The following FAM227A variants were observed in gnomAD, a reference collection of about 807,000 sequenced individuals.
The protein encoded by FAM227A is family with sequence similarity 227 member A.
Under a neutral mutation model 74.7 loss-of-function variants are expected in FAM227A, and 80 were observed. The observed-to-expected ratio is 1.07, with a 90% CI of 0.89 to 1.29. The LOEUF is 1.29. Ranked by LOEUF, FAM227A falls within the 50% of genes most tolerant of loss-of-function variation. The pLI, the probability that FAM227A is intolerant of heterozygous loss-of-function variation, is 0.00. For synonymous variants in FAM227A, 237 were observed against 241.8 expected (o/e 0.98, Z 0.19); for missense variants, 654 against 683.4 (o/e 0.96, Z 0.48).
intron 11 of FAM227A, among the ~76,000 whole-genome samples, chr22:38,608,152 C>G (rs987047074): frequency 9.5e-6 from 1 of 105,034 alleles, no homozygotes; most frequent in African/African-American, 4.1e-5. Context: ...GACCTTTTCT[C>G]TACAAAAAAA....
At chr22:38,641,316 G>A (rs986472670) in intron 3 of FAM227A, among the ~76,000 whole-genome samples, 1 of 152,054 alleles carries the variant, frequency 6.6e-6, no homozygotes, top group Non-Finnish European at 1.5e-5. Flanking sequence ...ACAGATTCCC[G>A]GGCCTTTGCA....
intron 2 of FAM227A, among the ~76,000 whole-genome samples, chr22:38,646,101 G>A (rs1479931614): frequency 6.6e-6 from 1 of 151,706 alleles, no homozygotes; most frequent in Non-Finnish European, 1.5e-5. Context: ...TCTTTATCTT[G>A]TTTTAAATGA....
At chr22:38,647,014 G>T (rs1291162889) in intron 2 of FAM227A, among the ~76,000 whole-genome samples, 2 of 151,884 alleles carry the variant, frequency 1.3e-5, no homozygotes, top group African/African-American at 2.4e-5. Context: ...GCTGGGCGTG[G>T]TGGCGGGTGC....
At chr22:38,628,174 C>G in intron 8 of FAM227A, 64 bp downstream of exon 8, 1 of 961,804 alleles carries the variant, frequency 1.0e-6, no homozygotes, top group Non-Finnish European at 1.6e-6. Flanking sequence ...AAGACATTCT[C>G]TTGGCATCAG....
At chr22:38,600,824 C>T (rs973927609) in intron 13 of FAM227A, among the ~76,000 whole-genome samples, 1 of 151,692 alleles carries the variant, frequency 6.6e-6, no homozygotes, top group Non-Finnish European at 1.5e-5. Context: ...TGGTGGCATG[C>T]GCCTGTAGTC....
chr22:38,582,576 G>C lies in FAM227A; in HGVS notation c.*3549C>G. On this transcript the variant is annotated 3_prime_UTR_variant, in exon 17 of 17. Coordinates refer to ENST00000535113, the MANE Select transcript of FAM227A (RefSeq NM_001013647.2). ...TAATGTTTACAAAGGGCAGAGACAG[G>C]TTTCTTCATATTTAACATCCTGAGA... The C allele has an allele frequency of 1.2e-6, 1 of 808,896 alleles. No individual in the cohort carries two copies. Among genetic ancestry groups the C allele is most frequent in the South Asian group, 1.9e-5 (1 of 54,012 alleles). 50.1% of individuals were successfully genotyped at this position (808,896 alleles called of 1,614,324 possible).
intron 11 of FAM227A, chr22:38,618,565 A>C (rs1268925074): frequency 6.6e-6 from 1 of 152,142 alleles, no homozygotes; most frequent in East Asian, 1.9e-4. Flanking sequence ...AAAAATACTA[A>C]CATCAAATAA....
At chr22:38,601,248 G>C (rs2091170601) in intron 13 of FAM227A, among the ~76,000 whole-genome samples, 1 of 152,106 alleles carries the variant, frequency 6.6e-6, no homozygotes, top group Non-Finnish European at 1.5e-5. Context: ...GGGAGGAGAG[G>C]ACTGGGGTTC....
intron 14 of FAM227A, among the ~76,000 whole-genome samples, chr22:38,597,995 A>G (rs2091085352): frequency 1.4e-5 from 2 of 145,572 alleles, no homozygotes; most frequent in South Asian, 4.3e-4. Context: ...GTGAGCCGAA[A>G]TCGCGCCACT....
chr22:38,602,999 G>C (rs1049895220), intron 13 of FAM227A, among the ~76,000 whole-genome samples: 1 of 151,978 alleles, frequency 6.6e-6, no homozygotes, highest in Non-Finnish European at 1.5e-5. Flanking sequence ...TCAGCCTCCC[G>C]AGTAGCTGGG....
At position 38,599,857 on chromosome 22, in the gene FAM227A, G is replaced by C. The variant is rs1425480855; in HGVS notation, c.1286C>G (p.Pro429Arg). 1 of 1,551,596 alleles carries C rather than the reference G, an allele frequency of 6.4e-7. No individual in the cohort carries two copies. Among genetic ancestry groups the C allele is most frequent in the Admixed American group, 2.0e-5 (1 of 50,998 alleles). Residue 429 changes from proline (P) to arginine (R), a missense_variant, in exon 14 of 17, where the codon CCT becomes CGT. Physicochemically the swap from Pro to Arg is moderately radical, Grantham distance 103 (BLOSUM62 -2). Transcript: ENST00000535113. ...GTTCTGGAGAAAGTACACAATCAGA[G>C]GGCTCTTCCCATAAATGTTGAAGAG... is the stretch of plus-strand genomic sequence containing the variant. ...SNLFNIYGKS[P>R]LIVYFLQNYA...
chr22:38,630,030 C>T (rs951614158), intron 6 of FAM227A, among the ~76,000 whole-genome samples: 3 of 146,244 alleles, frequency 2.1e-5, no homozygotes, highest in Admixed American at 6.8e-5. Context: ...CATCAGGAAG[C>T]GTGCCTCTTC....
intron 11 of FAM227A, 123 bp from the exon 12 acceptor site, chr22:38,607,599 T>C (rs2091312814): frequency 1.4e-6 from 1 of 720,482 alleles, no homozygotes; most frequent in Non-Finnish European, 2.4e-6. Flanking sequence ...CTTACTGTTC[T>C]CAGCAAAGGA....
chr22:38,616,330 A>C (rs1439710010), intron 11 of FAM227A, among the ~76,000 whole-genome samples: 2 of 152,204 alleles, frequency 1.3e-5, no homozygotes, highest in East Asian at 3.9e-4. Context: ...CAGGAACCTG[A>C]CAGGAGTAGC....
At chr22:38,595,515 T>C (rs1028694005) in intron 15 of FAM227A, among the ~76,000 whole-genome samples, 4 of 152,226 alleles carry the variant, frequency 2.6e-5, no homozygotes, top group Non-Finnish European at 5.9e-5. Flanking sequence ...TTTGCAACCT[T>C]AAATGTAATA....
In FAM227A at chr22:38,582,956, C is replaced by T; in HGVS notation, c.*3169G>A. ...AGGAATTAGTGATGTTGGCAGTTAACAAAGAGGAGGGAGGAGAAGGCATTT... is the reference window on the plus strand; with the variant it reads ...AGGAATTAGTGATGTTGGCAGTTAATAAAGAGGAGGGAGGAGAAGGCATTT... On this transcript the variant is annotated 3_prime_UTR_variant, in exon 17 of 17. Coordinates refer to ENST00000535113, the MANE Select transcript of FAM227A (RefSeq NM_001013647.2). 1 of 1,550,050 alleles carries T rather than the reference C, an allele frequency of 6.5e-7. No individual in the cohort carries two copies. The highest frequency in any genetic ancestry group is 8.7e-7 in the Non-Finnish European group (1 of 1,146,798).
intron 11 of FAM227A, among the ~76,000 whole-genome samples, chr22:38,608,628 A>G (rs2091342436): frequency 6.6e-6 from 1 of 151,630 alleles, no homozygotes; most frequent in South Asian, 2.1e-4. Context: ...ATGGGGTTTC[A>G]CCATGATGGT....
chr22:38,620,275 CAAAG>C lies in FAM227A; in HGVS notation c.971_974del (p.Ser324CysfsTer60). ...GGGAGAAGGCTCTCTTACCAGCAAACAAAGAAAACTCTCTCCCTATAGAAGGGGA... is the reference window on the plus strand; with the variant it reads ...GGGAGAAGGCTCTCTTACCAGCAAACAAAACTCTCTCCCTATAGAAGGGGA... On this transcript the variant is annotated frameshift_variant, in exon 11 of 17. Coordinates refer to ENST00000535113, the MANE Select transcript of FAM227A (RefSeq NM_001013647.2). LOFTEE classifies it high-confidence loss of function. 1 of 1,551,138 alleles carries C rather than the reference CAAAG, an allele frequency of 6.4e-7. No homozygotes were observed. The highest frequency in any genetic ancestry group is 2.4e-5 in the East Asian group (1 of 40,912).
rs1389852275 is a variant in FAM227A, at chr22:38,645,664, A to G, written c.143-19T>C. The stretch of plus-strand genomic sequence containing the variant: ...AGGCATGCTGGGAGGTTAGTCTGCT[A>G]AGGAAACTCAGGGTGATGATTACAC... On this transcript the variant is annotated intron_variant, in intron 2 of 16. Coordinates refer to ENST00000535113, the MANE Select transcript of FAM227A (RefSeq NM_001013647.2). 12 of 1,519,616 alleles carry G rather than the reference A, an allele frequency of 7.9e-6. No individual in the cohort carries two copies. In the East Asian group the frequency reaches 1.5e-4, roughly 19 times the overall value. 94.1% of individuals were successfully genotyped at this position (1,519,616 alleles called of 1,614,324 possible).
Sources: allele counts gnomAD v4.1 joint callset (sites outside exome capture counted in the v4.1 genomes callset), GRCh38; gene constraint gnomAD v4.1.1; transcripts MANE v1.5; gene names NCBI Gene and HGNC (gene_info 2026-07-23, HGNC 2026-07-21).